DIAPH3: variants seen among roughly 807,000 people sequenced by gnomAD.
DIAPH3 encodes protein diaphanous homolog 3.
DIAPH3 carries 117 observed loss-of-function variants against 144.3 expected under a neutral mutation model. That is an observed-to-expected ratio of 0.81 (90% CI 0.70 to 0.95). The LOEUF is 0.95. Among genes scored for constraint, DIAPH3 ranks in the 40% least tolerant of loss-of-function variants. The probability of loss-of-function intolerance (pLI) is 0.00; values close to 1 mark genes in which losing one functional copy is unlikely to be tolerated. For missense variants in DIAPH3, 1,421 were observed against 1,412.7 expected (o/e 1.01, Z -0.09); for synonymous variants, 519 against 488.9 (o/e 1.06, Z -0.81).
At chr13:59,714,965 T>C (rs342589) in intron 27 of DIAPH3, among the ~76,000 whole-genome samples, 21,549 of 145,368 alleles carry the variant, frequency 0.15, 1,767 homozygotes, top group East Asian at 0.38. Flanking sequence ...CCAAGAACAA[T>C]AAGGGAGCAG....
rs776072109 is a variant in DIAPH3, at chr13:60,132,940, G to C, written c.213+17C>G. On this transcript the variant is annotated intron_variant, in intron 2 of 27. Coordinates refer to ENST00000400324, the MANE Select transcript of DIAPH3 (RefSeq NM_001042517.2). ...AGTTACAATTCATAACAAAGGAAAA[G>C]TTGAGGATAATCTTACCATATCATC... The C allele has an allele frequency of 3.7e-6, 6 of 1,602,674 alleles. No individual in the cohort carries two copies. Among genetic ancestry groups the C allele is most frequent in the Non-Finnish European group, 5.1e-6 (6 of 1,170,568 alleles).
At chr13:59,992,757 C>T (rs1376485004) in intron 9 of DIAPH3, among the ~76,000 whole-genome samples, 174 bp from the exon 10 acceptor site, 2 of 149,230 alleles carry the variant, frequency 1.3e-5, no homozygotes, top group Non-Finnish European at 3.0e-5. Context: ...GTTTCAGTGG[C>T]GTTTTTTATT....
intron 25 of DIAPH3, among the ~76,000 whole-genome samples, chr13:59,805,580 A>G (rs1018816547): frequency 7.9e-5 from 12 of 152,024 alleles, no homozygotes; most frequent in African/African-American, 2.7e-4. Context: ...TTAAATAAAG[A>G]CATCATGAAA....
At chr13:59,931,469 A>C (rs7337053) in intron 17 of DIAPH3, among the ~76,000 whole-genome samples, 84,437 of 151,544 alleles carry the variant, frequency 0.56, 24,053 homozygotes, top group African/African-American at 0.61. Context: ...CATTGTTCTG[A>C]CTTTTTTCTC....
chr13:60,073,322 AG>A (rs2057278424), intron 4 of DIAPH3, among the ~76,000 whole-genome samples: 1 of 152,134 alleles, frequency 6.6e-6, no homozygotes, highest in Admixed American at 6.5e-5. Flanking sequence ...AAAAAAAAAA[AG>A]ATGAAAATAC....
intron 5 of DIAPH3, among the ~76,000 whole-genome samples, 174 bp from the exon 6 acceptor site, chr13:60,016,319 A>G (rs1478247359): frequency 6.6e-6 from 1 of 152,240 alleles, no homozygotes; most frequent in African/African-American, 2.4e-5. Context: ...AGAAGCAAAG[A>G]TGGATATGCC....
intron 12 of DIAPH3, among the ~76,000 whole-genome samples, chr13:59,985,166 A>T (rs2051316661): frequency 7.3e-6 from 1 of 137,386 alleles, no homozygotes; most frequent in African/African-American, 2.7e-5. Context: ...GGCTGGCTCA[A>T]TATACGCAAA....
At chr13:59,976,931 G>T (rs1286367241) in intron 14 of DIAPH3, among the ~76,000 whole-genome samples, 2 of 151,728 alleles carry the variant, frequency 1.3e-5, no homozygotes, top group Non-Finnish European at 2.9e-5. Context: ...TTTGAATGTT[G>T]CTATTCTTTG....
rs756570494 is a variant in DIAPH3, at chr13:60,022,170, T to G, written c.627-6025A>C. 6.3e-4 allele frequency among the ~76,000 whole-genome samples: 96 copies of G among 152,326 alleles called. 1 individual carries two copies. Among genetic ancestry groups the G allele is most frequent in the South Asian group, 2.5e-3 (12 of 4,826 alleles). ...TTGATAGATTTCTTGAGATTCTCTATGTAAACAATCATGTCATCTGCAAAT... is the reference window on the plus strand; with the variant it reads ...TTGATAGATTTCTTGAGATTCTCTAGGTAAACAATCATGTCATCTGCAAAT... On this transcript the variant is annotated intron_variant, in intron 5 of 27. Transcript: ENST00000400324.
chr13:60,013,984 A>G (rs2053456956), intron 7 of DIAPH3, among the ~76,000 whole-genome samples: 1 of 152,180 alleles, frequency 6.6e-6, no homozygotes, highest in Admixed American at 6.5e-5. Flanking sequence ...CTCCATGTAT[A>G]TAAACTACAA....
At position 59,729,274 on chromosome 13, in the gene DIAPH3, C is replaced by T. The variant is rs17057139; in HGVS notation, c.3319+44915G>A. On this transcript the variant is annotated intron_variant, in intron 27 of 27. Coordinates refer to ENST00000400324, the MANE Select transcript of DIAPH3 (RefSeq NM_001042517.2). The stretch of plus-strand genomic sequence containing the variant: ...GTCAGGCAATTACTTATGACATTTC[C>T]CCTTGGCTGGTCTGAAATCATATTG... Among the ~76,000 whole-genome samples the T allele has an allele frequency of 3.9e-3, 592 of 152,204 alleles. 4 individuals are homozygous for T. Among genetic ancestry groups the T allele is most frequent in the African/African-American group, 0.014 (562 of 41,530 alleles).
intron 2 of DIAPH3, among the ~76,000 whole-genome samples, chr13:60,128,070 C>T (rs2059034947): frequency 6.6e-6 from 1 of 152,154 alleles, no homozygotes; most frequent in Admixed American, 6.6e-5. Context: ...CACCCATCAC[C>T]CTCAAGTATG....
Position 59,763,447 on chromosome 13 carries a change from C to A in DIAPH3, c.3319+10742G>T, listed in dbSNP as rs534725188. ...ATCCCAGCACTTTGGGAGGCTCAGGCGGGAGAATCATTTGAACTCAGGAGT... is the reference window on the plus strand; with the variant it reads ...ATCCCAGCACTTTGGGAGGCTCAGGAGGGAGAATCATTTGAACTCAGGAGT... On this transcript the variant is annotated intron_variant, in intron 27 of 27. Coordinates refer to ENST00000400324, the MANE Select transcript of DIAPH3 (RefSeq NM_001042517.2). Among the ~76,000 whole-genome samples, 7 of 152,038 alleles carry A rather than the reference C, an allele frequency of 4.6e-5. No homozygotes were observed. The South Asian group carries it at 6.3e-4, about 14-fold the overall frequency.
At chr13:59,698,373 T>C (rs1436080634) in intron 27 of DIAPH3, among the ~76,000 whole-genome samples, 2 of 152,194 alleles carry the variant, frequency 1.3e-5, no homozygotes, top group Non-Finnish European at 2.9e-5. Context: ...TGATGTCTTT[T>C]TAGTGAGGTA....
intron 5 of DIAPH3, among the ~76,000 whole-genome samples, chr13:60,035,985 T>C (rs2055180713): frequency 6.6e-6 from 1 of 152,124 alleles, no homozygotes. Flanking sequence ...ACCATAACTA[T>C]AGCACTTCCT....
At chr13:59,782,589 G>A (rs7996241) in intron 25 of DIAPH3, among the ~76,000 whole-genome samples, 100,149 of 151,956 alleles carry the variant, frequency 0.66, 33,386 homozygotes, top group East Asian at 0.72. Flanking sequence ...AAAGAAGATG[G>A]CTGAGGAAGA....
At chr13:59,974,982 A>G (rs2050588531) in intron 14 of DIAPH3, among the ~76,000 whole-genome samples, 1 of 152,044 alleles carries the variant, frequency 6.6e-6, no homozygotes, top group African/African-American at 2.4e-5. Flanking sequence ...ATCTTTGGGA[A>G]AGTAATGATA....
intron 8 of DIAPH3, among the ~76,000 whole-genome samples, chr13:60,009,797 T>C (rs190469751): frequency 2.6e-5 from 4 of 152,312 alleles, no homozygotes; most frequent in African/African-American, 9.6e-5. Flanking sequence ...CACAGGAGGC[T>C]CCCCTTACAG....
intron 20 of DIAPH3, among the ~76,000 whole-genome samples, chr13:59,892,704 A>C (rs948980220): frequency 6.6e-6 from 1 of 152,054 alleles, no homozygotes; most frequent in Admixed American, 6.6e-5. Flanking sequence ...TCAATCCAAA[A>C]GAAGGTAGAA....
Sources: gnomAD v4.1 joint callset for allele counts (sites outside exome capture counted in the v4.1 genomes callset) on GRCh38, gnomAD v4.1.1 for gene constraint, MANE v1.5 for transcripts, NCBI Gene and HGNC (gene_info 2026-07-23, HGNC 2026-07-21) for gene names.